Variants in NOS1AP observed in about 807,000 individuals in gnomAD.
The protein encoded by NOS1AP is carboxyl-terminal PDZ ligand of neuronal nitric oxide synthase protein.
NOS1AP carries 21 observed loss-of-function variants against 56.2 expected under a neutral mutation model. The observed-to-expected ratio is 0.37, with a 90% CI of 0.26 to 0.54. The LOEUF is 0.54. NOS1AP is among the 20% of genes least tolerant of loss of function. The pLI, the probability that NOS1AP is intolerant of heterozygous loss-of-function variation, is 0.84. For missense variants in NOS1AP, 522 were observed against 657.8 expected, an observed-to-expected ratio of 0.79 and a Z score of 2.26; for synonymous variants, 270 against 274.6, an observed-to-expected ratio of 0.98 and a Z score of 0.17.
intron 2 of NOS1AP, among the ~76,000 whole-genome samples, chr1:162,166,227 C>T (rs1650490378): frequency 6.6e-6 from 1 of 152,246 alleles, no homozygotes; most frequent in Admixed American, 6.5e-5. Flanking sequence ...CCATCCTCCA[C>T]ACTGCTGCCT....
rs1691928246 is a variant in NOS1AP at position 162,082,989 on chromosome 1, C to T, written c.105+12707C>T. ...TCGGCTCACTGCAAGCTCCGCCTCCCGGGTTCACGCCATTCTCCTGCCTCA... is the reference window on the plus strand; with the variant it reads ...TCGGCTCACTGCAAGCTCCGCCTCCTGGGTTCACGCCATTCTCCTGCCTCA... On this transcript the variant is annotated intron_variant, in intron 1 of 9. Coordinates refer to ENST00000361897, the MANE Select transcript of NOS1AP (RefSeq NM_014697.3). Among the ~76,000 whole-genome samples, 2 of 1,706 alleles carry T rather than the reference C, an allele frequency of 1.2e-3. 1 individual carries two copies. Among genetic ancestry groups the T allele is most frequent in the African/African-American group, 1.2e-3 (2 of 1,610 alleles). The allele number at this position is 1,706 out of a possible 152,430, so 1.1% of individuals were successfully genotyped here.
rs1557854324 is a variant in NOS1AP at position 162,262,324 on chromosome 1, A to T, written c.178-25020A>T. On this transcript the variant is annotated intron_variant, in intron 2 of 9. Transcript: ENST00000361897. The stretch of plus-strand genomic sequence containing the variant: ...AATGTATTTTCGGTGTGATTCCAGA[A>T]CCCTCATTCTTTCATTGACTATAGC... Among the ~76,000 whole-genome samples, 3 of 152,162 alleles carry T rather than the reference A, an allele frequency of 2.0e-5. 1 individual carries two copies. Among genetic ancestry groups the T allele is most frequent in the Non-Finnish European group, 4.4e-5 (3 of 68,020 alleles).
chr1:162,134,465 T>G (rs1571047322), intron 1 of NOS1AP, among the ~76,000 whole-genome samples: 3 of 122,858 alleles, frequency 2.4e-5, no homozygotes, highest in Non-Finnish European at 4.9e-5. Context: ...CAGCCTGGAG[T>G]GACAGAGGGA....
chr1:162,323,182 G>A (rs1276130967), intron 4 of NOS1AP, among the ~76,000 whole-genome samples: 1 of 152,210 alleles, frequency 6.6e-6, no homozygotes, highest in East Asian at 1.9e-4. Context: ...AGACAGAGGA[G>A]ACACAGGGCA....
At chr1:162,202,694 T>C (rs534515241) in intron 2 of NOS1AP, among the ~76,000 whole-genome samples, 1 of 152,328 alleles carries the variant, frequency 6.6e-6, no homozygotes, top group East Asian at 1.9e-4. Flanking sequence ...TTAAAGTATA[T>C]GAACAATTTA....
chr1:162,099,005 T>C (rs1482506214), intron 1 of NOS1AP, among the ~76,000 whole-genome samples: 1 of 152,136 alleles, frequency 6.6e-6, no homozygotes, highest in Non-Finnish European at 1.5e-5. Context: ...ATAGAATGAT[T>C]TATATCTCTT....
intron 5 of NOS1AP, among the ~76,000 whole-genome samples, chr1:162,339,645 A>G (rs769449752): frequency 1.6e-4 from 25 of 152,214 alleles, no homozygotes; most frequent in Non-Finnish European, 2.6e-4. Flanking sequence ...TAAAGCTGCT[A>G]TTTACCAGAG....
rs570477122 is a variant in NOS1AP, at chr1:162,105,769, G to A, written c.105+35487G>A. 2.0e-5 allele frequency among the ~76,000 whole-genome samples: 3 copies of A among 152,286 alleles called. No individual in the cohort carries two copies. In the South Asian group the frequency reaches 6.2e-4, roughly 32 times the overall value. On this transcript the variant is annotated intron_variant, in intron 1 of 9. Coordinates refer to ENST00000361897, the MANE Select transcript of NOS1AP (RefSeq NM_014697.3). Reference sequence around the variant, plus strand: ...TTCAAAGCCACCAGGCTGAAATGACGGAGTCTACCAAACCACAGGGATGGT... The same window carrying A: ...TTCAAAGCCACCAGGCTGAAATGACAGAGTCTACCAAACCACAGGGATGGT...
chr1:162,354,896 C>CT (rs1313783722), intron 6 of NOS1AP, among the ~76,000 whole-genome samples: 5 of 152,268 alleles, frequency 3.3e-5, no homozygotes, highest in Non-Finnish European at 5.9e-5. Context: ...TCAGCATCCC[C>CT]TTCTTCCAGT....
intron 8 of NOS1AP, chr1:162,360,966 G>A: frequency 2.2e-6 from 1 of 456,310 alleles, no homozygotes; most frequent in South Asian, 1.5e-5. Context: ...GTCTGGTGTG[G>A]CTGGGTGGGT....
At chr1:162,263,998 C>G (rs1654318822) in intron 2 of NOS1AP, among the ~76,000 whole-genome samples, 1 of 152,194 alleles carries the variant, frequency 6.6e-6, no homozygotes, top group Non-Finnish European at 1.5e-5. Context: ...GCTGCTCTCT[C>G]CGTCTCCAGC....
intron 2 of NOS1AP, among the ~76,000 whole-genome samples, chr1:162,273,325 G>A (rs1164705551): frequency 6.6e-6 from 1 of 151,764 alleles, no homozygotes. Flanking sequence ...CACCACACCC[G>A]GCTAATTTTT....
intron 1 of NOS1AP, among the ~76,000 whole-genome samples, chr1:162,084,169 T>C (rs1691955727): frequency 6.6e-6 from 1 of 152,228 alleles, no homozygotes; most frequent in Non-Finnish European, 1.5e-5. Context: ...CATCTTCGCG[T>C]TGGCTTCTGT....
chr1:162,169,142 A>G (rs2102125803), intron 2 of NOS1AP, among the ~76,000 whole-genome samples: 1 of 152,358 alleles, frequency 6.6e-6, no homozygotes, highest in South Asian at 2.1e-4. Flanking sequence ...TGGGCTTTGC[A>G]GCAGCTCTCT....
chr1:162,197,414 G>T (rs1651844853), intron 2 of NOS1AP, among the ~76,000 whole-genome samples: 1 of 152,202 alleles, frequency 6.6e-6, no homozygotes, highest in African/African-American at 2.4e-5. Context: ...TAGAACAGAG[G>T]TTCTTGGCAG....
In NOS1AP at chr1:162,355,331, G is replaced by A. The variant is rs772703598; in HGVS notation, c.740G>A (p.Gly247Glu). Residue 247 changes from glycine to glutamate, a missense_variant, in exon 7 of 10, where the codon GGA (glycine) becomes GAA (glutamate). Transcript: ENST00000361897. Reference protein sequence around the residue: ...VTDLDAVGKEGGSHTGSKVSH... With the variant: ...VTDLDAVGKEEGSHTGSKVSH... ...GATCTAGATGCTGTAGGGAAGGAAGGAGGCTCTCACACAGGCTCCAAGGTA... is the reference window on the plus strand; with the variant it reads ...GATCTAGATGCTGTAGGGAAGGAAGAAGGCTCTCACACAGGCTCCAAGGTA... 8.7e-6 allele frequency: 14 copies of A among 1,614,032 alleles called. No individual in the cohort carries two copies. Among genetic ancestry groups the A allele is most frequent in the Admixed American group, 1.7e-5 (1 of 60,004 alleles).
intron 1 of NOS1AP, among the ~76,000 whole-genome samples, chr1:162,071,574 C>G (rs954217861): frequency 6.6e-6 from 1 of 152,146 alleles, no homozygotes; most frequent in East Asian, 1.9e-4. Context: ...CTTAGTCCCC[C>G]GAAACATTAA....
At chr1:162,359,449 A>T in intron 8 of NOS1AP, among the ~76,000 whole-genome samples, 1 of 152,172 alleles carries the variant, frequency 6.6e-6, no homozygotes, top group East Asian at 1.9e-4. Flanking sequence ...CCAGGACCAC[A>T]GCAGGGATAT....
intron 8 of NOS1AP, chr1:162,363,980 G>A (rs2101828873): frequency 1.0e-6 from 1 of 985,430 alleles, no homozygotes; most frequent in East Asian, 1.1e-4. Flanking sequence ...GGGCAAGAGG[G>A]AGGCAGCCAC....
Sources: allele counts gnomAD v4.1 joint callset (sites outside exome capture counted in the v4.1 genomes callset), GRCh38; gene constraint gnomAD v4.1.1; transcripts MANE v1.5; gene names NCBI Gene and HGNC (gene_info 2026-07-23, HGNC 2026-07-21).